The following RAD51B variants were observed in gnomAD, a reference collection of about 807,000 sequenced individuals.
The protein encoded by RAD51B is RAD51 paralog B.
Under a neutral mutation model 42.2 loss-of-function variants are expected in RAD51B, and 38 were observed. The ratio of observed to expected loss-of-function variants is 0.90; its 90% CI spans 0.70 to 1.18. The LOEUF is 1.18. RAD51B is among the 50% of genes most tolerant of loss of function. The pLI is 0.00. For missense variants in RAD51B, 373 were observed against 400.7 expected (o/e 0.93, Z 0.59); for synonymous variants, 154 against 145.2 (o/e 1.06, Z -0.43).
At chr14:68,445,711 A>C (rs1323572427) in intron 9 of RAD51B, among the ~76,000 whole-genome samples, 2 of 152,194 alleles carry the variant, frequency 1.3e-5, no homozygotes, top group African/African-American at 4.8e-5. Flanking sequence ...TTGTTAACCC[A>C]CCTCAAACTG....
intron 7 of RAD51B, among the ~76,000 whole-genome samples, chr14:67,936,367 G>A (rs1193810640): frequency 2.6e-5 from 4 of 152,102 alleles, no homozygotes; most frequent in African/African-American, 9.7e-5. Flanking sequence ...TTTGTGACTG[G>A]CTTCTTTCAT....
chr14:67,871,246 A>C (rs555877805), intron 5 of RAD51B, among the ~76,000 whole-genome samples: 1,591 of 152,208 alleles, frequency 0.01, 30 homozygotes, highest in African/African-American at 0.037. Flanking sequence ...AAAAAATGAT[A>C]AAGGGGATAT....
intron 7 of RAD51B, among the ~76,000 whole-genome samples, chr14:67,910,405 CAAAAAAAAAAAAAAAAAA>C (rs576632132): frequency 0.01 from 92 of 9,032 alleles, 1 homozygote; most frequent in Middle Eastern, 0.12. Context: ...GACTCTGTCT[CAAAAAAAAAAAAAAAAAA>C]AAAAAAAAAA....
chr14:68,318,776 G>A (rs1291881337), intron 8 of RAD51B, among the ~76,000 whole-genome samples: 1 of 152,142 alleles, frequency 6.6e-6, no homozygotes, highest in Non-Finnish European at 1.5e-5. Flanking sequence ...TAGTGGCATT[G>A]AACCCGCCAA....
intron 7 of RAD51B, among the ~76,000 whole-genome samples, chr14:67,960,717 A>G (rs971583841): frequency 6.6e-6 from 1 of 152,106 alleles, no homozygotes; most frequent in African/African-American, 2.4e-5. Context: ...TGCTCAGGCT[A>G]GTGTGCAGTC....
chr14:68,394,897 C>A (rs1014911230), intron 8 of RAD51B, among the ~76,000 whole-genome samples: 1 of 152,216 alleles, frequency 6.6e-6, no homozygotes, highest in Non-Finnish European at 1.5e-5. Flanking sequence ...CTGCCTCCAG[C>A]CCCCCTCACC....
At chr14:68,460,904 A>G (rs1011219432) in intron 9 of RAD51B, among the ~76,000 whole-genome samples, 4 of 152,148 alleles carry the variant, frequency 2.6e-5, no homozygotes, top group Admixed American at 2.6e-4. Context: ...CTAAAAATGG[A>G]TATGAATCAG....
intron 7 of RAD51B, among the ~76,000 whole-genome samples, chr14:68,045,869 G>C (rs543761569): frequency 1.3e-5 from 2 of 151,762 alleles, no homozygotes; most frequent in Non-Finnish European, 2.9e-5. Context: ...TTTTTTTTAG[G>C]GTTTAAAATT....
intron 7 of RAD51B, among the ~76,000 whole-genome samples, chr14:67,912,356 A>G (rs186195475): frequency 5.1e-4 from 77 of 152,278 alleles, no homozygotes; most frequent in Admixed American, 1.6e-3. Context: ...TTGAGTTTTT[A>G]TGGTACACTA....
intron 7 of RAD51B, among the ~76,000 whole-genome samples, chr14:68,237,657 T>C (rs1420500665): frequency 1.3e-5 from 2 of 152,102 alleles, no homozygotes; most frequent in South Asian, 4.1e-4. Context: ...TTTTTTCTGC[T>C]TTTTAGCTAT....
intron 9 of RAD51B, 57 bp from the exon 10 acceptor site, chr14:68,468,115 A>G (rs1379887696): frequency 4.1e-6 from 6 of 1,458,164 alleles, no homozygotes; most frequent in South Asian, 1.1e-5. Context: ...AGGGGAGTGA[A>G]TAGAGGCCCA....
intron 5 of RAD51B, among the ~76,000 whole-genome samples, chr14:67,874,308 A>G (rs895428139): frequency 6.6e-6 from 1 of 152,086 alleles, no homozygotes; most frequent in East Asian, 1.9e-4. Context: ...CTATTTAACA[A>G]TTTTAACAGG....
chr14:68,338,653 A>C, intron 8 of RAD51B: 1 of 311,294 alleles, frequency 3.2e-6, no homozygotes. Flanking sequence ...TGCTTGCCAT[A>C]TTTTTTTTCT....
intron 7 of RAD51B, among the ~76,000 whole-genome samples, chr14:68,098,096 C>A (rs1016858823): frequency 6.6e-6 from 1 of 152,188 alleles, no homozygotes; most frequent in African/African-American, 2.4e-5. Context: ...TCATATTAAA[C>A]TGTTATCATG....
chr14:68,431,978 A>C (rs1472520486), intron 9 of RAD51B, among the ~76,000 whole-genome samples: 1 of 152,218 alleles, frequency 6.6e-6, no homozygotes, highest in African/African-American at 2.4e-5. Flanking sequence ...TTCAAAGAAC[A>C]TCTTTATTTC....
intron 7 of RAD51B, 96 bp from the exon 8 acceptor site, chr14:68,291,788 A>G: frequency 1.1e-6 from 1 of 939,930 alleles, no homozygotes; most frequent in East Asian, 2.5e-5. Context: ...CTTCTCCTAA[A>G]CCATAGTCTG....
intron 7 of RAD51B, among the ~76,000 whole-genome samples, chr14:68,194,407 T>C (rs1449607127): frequency 2.6e-5 from 4 of 152,194 alleles, no homozygotes; most frequent in Admixed American, 6.5e-5. Context: ...ACATGGTGTC[T>C]GCCCTTGAGG....
chr14:68,360,214 G>T (rs2082995153), intron 8 of RAD51B, among the ~76,000 whole-genome samples: 1 of 152,094 alleles, frequency 6.6e-6, no homozygotes, highest in Non-Finnish European at 1.5e-5. Flanking sequence ...AGACTGAGCT[G>T]CTTCCCAGCT....
At chr14:68,299,339 C>T (rs1233853773) in intron 8 of RAD51B, among the ~76,000 whole-genome samples, 1 of 152,038 alleles carries the variant, frequency 6.6e-6, no homozygotes, top group Non-Finnish European at 1.5e-5. Flanking sequence ...ATTCAACCAA[C>T]CATGAATCAA....
Sources: allele counts gnomAD v4.1 joint callset (sites outside exome capture counted in the v4.1 genomes callset), GRCh38; gene constraint gnomAD v4.1.1; transcripts MANE v1.5; gene names NCBI Gene and HGNC (gene_info 2026-07-23, HGNC 2026-07-21).